The following ZC3H12B variants were observed in gnomAD, a reference collection of about 807,000 sequenced individuals.
ZC3H12B encodes zinc finger CCCH-type containing 12B.
A neutral mutation model predicts 43.9 loss-of-function variants in ZC3H12B; 7 were observed. The observed-to-expected ratio is 0.16, with a 90% CI of 0.09 to 0.30. The LOEUF is 0.30. ZC3H12B is among the 10% of genes least tolerant of loss of function. ZC3H12B has a pLI of 1.00. For missense variants in ZC3H12B, 475 were observed against 670.2 expected (o/e 0.71, Z 3.22); for synonymous variants, 222 against 241.7 (o/e 0.92, Z 0.76).
At chrX:65,219,408 G>T in the ZC3H12B span, among the ~76,000 whole-genome samples, 1 of 111,609 alleles carries the variant, frequency 9.0e-6, no homozygotes, top group Non-Finnish European at 1.9e-5. Context: ...TCAAAAAAAT[G>T]ATACAGGATA....
intron 2 of ZC3H12B, among the ~76,000 whole-genome samples, chrX:65,384,429 G>T (rs2066492147): frequency 9.0e-6 from 1 of 111,097 alleles, no homozygotes; most frequent in Non-Finnish European, 1.9e-5. Flanking sequence ...GAGTTAGTGG[G>T]TGCAGTGCAC....
intron 3 of ZC3H12B, among the ~76,000 whole-genome samples, chrX:65,404,174 G>A (rs184181470): frequency 4.5e-5 from 5 of 110,890 alleles, no homozygotes; most frequent in African/African-American, 9.8e-5. Context: ...AGTAGTTACC[G>A]GGTTATAAGA....
At chrX:65,310,344 C>T in the ZC3H12B span, among the ~76,000 whole-genome samples, 258 of 111,417 alleles carry the variant, frequency 2.3e-3, no homozygotes, top group African/African-American at 7.9e-3. Flanking sequence ...ACAAGCATTC[C>T]TATACACCAA....
chrX:65,399,091 G>T (rs2066735169), intron 3 of ZC3H12B, among the ~76,000 whole-genome samples: 2 of 112,411 alleles, frequency 1.8e-5, no homozygotes, highest in Admixed American at 9.4e-5. Flanking sequence ...AAACACTGGA[G>T]AAATTCATCA....
At chrX:65,285,737 T>C in the ZC3H12B span, among the ~76,000 whole-genome samples, 1 of 111,687 alleles carries the variant, frequency 9.0e-6, no homozygotes, top group Admixed American at 9.5e-5. Context: ...TAGGACAGCA[T>C]TCACCATTAT....
intron 3 of ZC3H12B, among the ~76,000 whole-genome samples, chrX:65,432,734 G>T (rs1039821778): frequency 7.1e-5 from 8 of 112,086 alleles, no homozygotes; most frequent in African/African-American, 2.6e-4. Context: ...ACCTTAGAAG[G>T]AATATCTTGA....
chrX:65,176,228 G>T, the ZC3H12B span, among the ~76,000 whole-genome samples: 1 of 111,391 alleles, frequency 9.0e-6, no homozygotes. Context: ...CATTACTGAG[G>T]CTTGAGTAGG....
At chrX:65,118,300 AG>A in the ZC3H12B span, among the ~76,000 whole-genome samples, 2 of 111,427 alleles carry the variant, frequency 1.8e-5, no homozygotes, top group African/African-American at 6.5e-5. Context: ...TTGGATTCTT[AG>A]GTATTTTATT....
chrX:65,076,632 A>T, the ZC3H12B span, among the ~76,000 whole-genome samples: 1 of 106,888 alleles, frequency 9.4e-6, no homozygotes, highest in African/African-American at 3.4e-5. Flanking sequence ...TTTTGTTGAT[A>T]TATCTTTAAC....
At chrX:65,437,560 A>C (rs940440788) in intron 3 of ZC3H12B, among the ~76,000 whole-genome samples, 1 of 112,232 alleles carries the variant, frequency 8.9e-6, no homozygotes, top group African/African-American at 3.2e-5. Flanking sequence ...AGAAATGTCT[A>C]TTCAAATCTT....
the ZC3H12B span, among the ~76,000 whole-genome samples, chrX:65,151,714 C>T: frequency 6.3e-5 from 7 of 111,499 alleles, no homozygotes; most frequent in Non-Finnish European, 7.5e-5. Context: ...AAGAAGGAAT[C>T]CTCCCTAACT....
the ZC3H12B span, among the ~76,000 whole-genome samples, chrX:65,104,980 A>T: frequency 6.3e-5 from 7 of 111,879 alleles, no homozygotes; most frequent in Non-Finnish European, 1.1e-4. Flanking sequence ...CACTTTTTAC[A>T]ATAGGAAAGA....
At chrX:65,230,013 G>A in the ZC3H12B span, among the ~76,000 whole-genome samples, 1 of 111,387 alleles carries the variant, frequency 9.0e-6, no homozygotes, top group Non-Finnish European at 1.9e-5. Context: ...AATACCATTT[G>A]ACCCAGCCAT....
the ZC3H12B span, among the ~76,000 whole-genome samples, chrX:65,315,600 C>A: frequency 9.0e-6 from 1 of 111,108 alleles, no homozygotes; most frequent in African/African-American, 3.3e-5. Context: ...TTTGAATGAA[C>A]CCATCTTATG....
the ZC3H12B span, among the ~76,000 whole-genome samples, chrX:65,094,044 G>C: frequency 2.9e-4 from 32 of 110,413 alleles, no homozygotes; most frequent in Admixed American, 3.1e-3. Context: ...CTTTGGTGCT[G>C]TTCTCATGAC....
chrX:65,250,422 C>T, the ZC3H12B span, among the ~76,000 whole-genome samples: 2 of 111,714 alleles, frequency 1.8e-5, no homozygotes, highest in Non-Finnish European at 3.8e-5. Flanking sequence ...TTTATAGCAG[C>T]ATGATTTATA....
the ZC3H12B span, among the ~76,000 whole-genome samples, chrX:65,160,812 G>A: frequency 9.0e-6 from 1 of 111,288 alleles, no homozygotes. Flanking sequence ...GCTTTTGAAT[G>A]TGTTTGCTCT....
chrX:65,070,471 G>C, the ZC3H12B span, among the ~76,000 whole-genome samples: 1 of 110,711 alleles, frequency 9.0e-6, no homozygotes, highest in South Asian at 3.7e-4. Context: ...CTTGTCTTCT[G>C]CTAGCTTTGA....
chrX:65,317,039 A>G, the ZC3H12B span, among the ~76,000 whole-genome samples: 3 of 111,499 alleles, frequency 2.7e-5, no homozygotes, highest in South Asian at 1.1e-3. Flanking sequence ...AACAATCAAA[A>G]AAGACAAAGA....
Sources: allele counts gnomAD v4.1 joint callset (sites outside exome capture counted in the v4.1 genomes callset), GRCh38; gene constraint gnomAD v4.1.1; transcripts MANE v1.5; gene names NCBI Gene and HGNC (gene_info 2026-07-23, HGNC 2026-07-21).